Variants in GRM7 observed in about 807,000 individuals in gnomAD.
GRM7 encodes the protein metabotropic glutamate receptor 7.
Under a neutral mutation model 84.5 loss-of-function variants are expected in GRM7, and 35 were observed. That is an observed-to-expected ratio of 0.41 (90% confidence interval 0.32 to 0.55). The LOEUF is 0.55. GRM7 is among the 20% of genes least tolerant of loss of function. GRM7 has a pLI of 0.19. For synonymous variants in GRM7, 487 were observed against 455.1 expected (o/e 1.07, Z -0.89); for missense variants, 1,003 against 1,194.6 (o/e 0.84, Z 2.36).
At chr3:7,494,850 A>T (rs1424350358) in intron 7 of GRM7, among the ~76,000 whole-genome samples, 1 of 152,204 alleles carries the variant, frequency 6.6e-6, no homozygotes, top group Non-Finnish European at 1.5e-5. Flanking sequence ...TTTGTCCAAG[A>T]GAACTCATAA....
At chr3:7,057,353 C>G (rs563715609) in intron 1 of GRM7, among the ~76,000 whole-genome samples, 25 of 151,892 alleles carry the variant, frequency 1.6e-4, no homozygotes, top group African/African-American at 5.5e-4. Context: ...TTCAACTAAC[C>G]TATTCTAAAT....
At chr3:7,420,874 A>C (rs1019290701) in intron 5 of GRM7, among the ~76,000 whole-genome samples, 1 of 152,186 alleles carries the variant, frequency 6.6e-6, no homozygotes, top group Non-Finnish European at 1.5e-5. Context: ...AATAACATTT[A>C]GATACATGGA....
chr3:6,926,990 C>A (rs545196390), intron 1 of GRM7, among the ~76,000 whole-genome samples: 1 of 152,270 alleles, frequency 6.6e-6, no homozygotes, highest in South Asian at 2.1e-4. Flanking sequence ...TAGTCAGGTC[C>A]ATGGAAGCAG....
chr3:6,980,453 T>C (rs1258356581), intron 1 of GRM7, among the ~76,000 whole-genome samples: 1 of 152,304 alleles, frequency 6.6e-6, no homozygotes, highest in Non-Finnish European at 1.5e-5. Flanking sequence ...ACTCCAGTGA[T>C]AAGTTTCCCT....
chr3:7,693,234 T>TA (rs1220150318), intron 9 of GRM7, among the ~76,000 whole-genome samples: 1 of 152,132 alleles, frequency 6.6e-6, no homozygotes, highest in African/African-American at 2.4e-5. Context: ...CAGATGGTTA[T>TA]AAAAAGACTC....
chr3:7,119,835 T>C (rs189418693), intron 1 of GRM7, among the ~76,000 whole-genome samples: 2 of 152,234 alleles, frequency 1.3e-5, no homozygotes, highest in Admixed American at 1.3e-4. Context: ...TCTTAGAAGA[T>C]GACTTCAGCT....
chr3:6,987,045 C>A (rs971670982), intron 1 of GRM7, among the ~76,000 whole-genome samples: 8 of 152,192 alleles, frequency 5.3e-5, no homozygotes, highest in Non-Finnish European at 1.0e-4. Context: ...ACCTACTGCT[C>A]TTCTAATCCC....
chr3:7,118,696 A>G (rs1316588169), intron 1 of GRM7, among the ~76,000 whole-genome samples: 1 of 151,916 alleles, frequency 6.6e-6, no homozygotes, highest in Non-Finnish European at 1.5e-5. Flanking sequence ...ACCCCTTTTC[A>G]CATGGTTTTG....
At chr3:7,022,191 G>A (rs929111112) in intron 1 of GRM7, among the ~76,000 whole-genome samples, 2 of 151,924 alleles carry the variant, frequency 1.3e-5, no homozygotes, top group Non-Finnish European at 2.9e-5. Context: ...GCTGGATATG[G>A]TGGTGCGCAT....
At chr3:7,316,512 T>C (rs2125047818) in intron 4 of GRM7, among the ~76,000 whole-genome samples, 1 of 151,976 alleles carries the variant, frequency 6.6e-6, no homozygotes, top group African/African-American at 2.4e-5. Flanking sequence ...ATGAAATAAG[T>C]CTGGATTTAA....
intron 2 of GRM7, among the ~76,000 whole-genome samples, chr3:7,291,489 G>GCT (rs71063301): frequency 1.4e-3 from 153 of 109,622 alleles, no homozygotes; most frequent in Non-Finnish European, 2.4e-3. Context: ...AGTCATGCCA[G>GCT]CTCTCTCTCT....
intron 2 of GRM7, among the ~76,000 whole-genome samples, chr3:7,276,476 T>A (rs1025716826): frequency 6.6e-6 from 1 of 151,920 alleles, no homozygotes; most frequent in Non-Finnish European, 1.5e-5. Flanking sequence ...AAGGTACAAA[T>A]TAGGAATTAT....
chr3:7,260,673 T>TGTGTGTGTG lies in GRM7; in HGVS notation c.737-38011_737-38010insGTGTGTGTG, dbSNP rs138704668. On this transcript the variant is annotated intron_variant, in intron 2 of 9. Transcript: ENST00000357716. ...CTCCTGGATTTGTTGTTCTTTTGAA[T>TGTGTGTGTG]TGTGTGTGTGTGTGTGTGTGTGTGT... Among the ~76,000 whole-genome samples the TGTGTGTGTG allele has an allele frequency of 4.8e-5, 7 of 144,530 alleles. No individual in the cohort carries two copies. In the South Asian group the frequency reaches 9.2e-4, roughly 19 times the overall value. 94.8% of individuals were successfully genotyped at this position (144,530 alleles called of 152,430 possible). A position where few individuals can be genotyped will look rare whatever the true frequency, so the allele number is the denominator to read the frequency against.
intron 1 of GRM7, among the ~76,000 whole-genome samples, chr3:7,127,117 TA>T (rs370033839): frequency 2.0e-5 from 3 of 152,186 alleles, no homozygotes; most frequent in African/African-American, 7.2e-5. Context: ...ATGTCAGTTG[TA>T]AAAAATTATC....
chr3:7,645,017 G>C (rs550012706), intron 8 of GRM7, among the ~76,000 whole-genome samples: 17 of 151,936 alleles, frequency 1.1e-4, no homozygotes, highest in Non-Finnish European at 2.2e-4. Context: ...CTTTCAGCTT[G>C]TGTGTTGAGC....
chr3:7,409,747 C>T (rs1317913996), intron 4 of GRM7, among the ~76,000 whole-genome samples: 4 of 151,958 alleles, frequency 2.6e-5, no homozygotes, highest in African/African-American at 7.3e-5. Flanking sequence ...ACTACAGGCA[C>T]ATGCCACCAC....
At chr3:7,518,001 A>G (rs1145138) in intron 7 of GRM7, among the ~76,000 whole-genome samples, 94,787 of 152,052 alleles carry the variant, frequency 0.62, 30,557 homozygotes, top group African/African-American at 0.8. Context: ...TTTGTCATAA[A>G]AGAGGACTTG....
chr3:7,535,793 C>T (rs1701218699), intron 7 of GRM7, among the ~76,000 whole-genome samples: 1 of 152,116 alleles, frequency 6.6e-6, no homozygotes, highest in Non-Finnish European at 1.5e-5. Flanking sequence ...GCTACAGAGT[C>T]CAAAGGGGAT....
intron 8 of GRM7, among the ~76,000 whole-genome samples, chr3:7,619,886 T>C (rs924946277): frequency 6.6e-6 from 1 of 152,184 alleles, no homozygotes; most frequent in African/African-American, 2.4e-5. Flanking sequence ...TTCGGCATGA[T>C]GACTGAGAGA....
Sources: gnomAD v4.1 joint callset for allele counts (sites outside exome capture counted in the v4.1 genomes callset) on GRCh38, gnomAD v4.1.1 for gene constraint, MANE v1.5 for transcripts, NCBI Gene and HGNC (gene_info 2026-07-23, HGNC 2026-07-21) for gene names.